NCOR2: variants seen among roughly 807,000 people sequenced by gnomAD.
NCOR2 encodes the protein CTG repeat protein 26.
Under a neutral mutation model 262.9 loss-of-function variants are expected in NCOR2, and 81 were observed. That is an observed-to-expected ratio of 0.31 (90% CI 0.26 to 0.37). The LOEUF is 0.37. Ranked by LOEUF, NCOR2 falls within the 10% of genes least tolerant of loss-of-function variation. The probability of loss-of-function intolerance (pLI) is 1.00; values close to 1 mark genes in which losing one functional copy is unlikely to be tolerated. For synonymous variants in NCOR2, 1,659 were observed against 1,559.3 expected (o/e 1.06, Z -1.51); for missense variants, 3,385 against 3,621.4 (o/e 0.93, Z 1.68).
chr12:124,556,811 G>GT, intron 1 of NCOR2, among the ~76,000 whole-genome samples: 1 of 151,104 alleles, frequency 6.6e-6, no homozygotes, highest in East Asian at 1.9e-4. Context: ...TCATGCCACT[G>GT]TACTTCCAGC....
chr12:124,421,432 G>A (rs1261076887), intron 12 of NCOR2, among the ~76,000 whole-genome samples: 7 of 152,244 alleles, frequency 4.6e-5, no homozygotes, highest in African/African-American at 1.4e-4. Context: ...TGAGGGAGAC[G>A]TCGTCACTCA....
chr12:124,417,107 C>CGGACAGTCACTCCATGGAGAGCAGGCT, intron 13 of NCOR2, among the ~76,000 whole-genome samples: 2 of 151,248 alleles, frequency 1.3e-5, no homozygotes, highest in African/African-American at 2.4e-5. Context: ...GAGAGCAGGC[C>CGGACAGTCACTCCATGGAGAGCAGGCT]GGACAGTCAC....
At chr12:124,411,471 G>A (rs1243690062) in intron 13 of NCOR2, among the ~76,000 whole-genome samples, 3 of 152,154 alleles carry the variant, frequency 2.0e-5, no homozygotes, top group Non-Finnish European at 2.9e-5. Flanking sequence ...GGCTGTTCCC[G>A]TCTCAGTGTC....
intron 1 of NCOR2, among the ~76,000 whole-genome samples, chr12:124,518,549 G>A (rs1014130781): frequency 2.6e-5 from 4 of 152,262 alleles, no homozygotes; most frequent in South Asian, 2.1e-4. Context: ...CCAGCGATCC[G>A]TTCTCGCCTC....
At chr12:124,428,044 AGTGT>A (rs55965573) in intron 10 of NCOR2, among the ~76,000 whole-genome samples, 3,783 of 112,452 alleles carry the variant, frequency 0.034, 140 homozygotes, top group African/African-American at 0.084. Flanking sequence ...CCATGTGGCC[AGTGT>A]GTGTGTGTGT....
At chr12:124,363,466 C>A (rs999171085) in intron 21 of NCOR2, among the ~76,000 whole-genome samples, 1 of 152,194 alleles carries the variant, frequency 6.6e-6, no homozygotes, top group Non-Finnish European at 1.5e-5. Context: ...GGCCTTAGGC[C>A]GCCAGTTCCC....
chr12:124,423,300 C>T (rs900381364), intron 11 of NCOR2, among the ~76,000 whole-genome samples: 5 of 152,194 alleles, frequency 3.3e-5, no homozygotes, highest in Non-Finnish European at 5.9e-5. Context: ...CCAGGCGTCC[C>T]GGCGACGTGC....
Position 124,483,593 on chromosome 12 carries a change from T to C in NCOR2, c.411+3A>G. 6.3e-7 allele frequency: 1 copy of C among 1,584,896 alleles called. No homozygotes were observed. The highest frequency in any genetic ancestry group is 8.6e-7 in the Non-Finnish European group (1 of 1,166,834). On this transcript the variant is annotated splice_donor_region_variant and intron_variant, in intron 3 of 46. Coordinates refer to ENST00000405201, the Ensembl canonical transcript of NCOR2. The surrounding 1 kb of genome is among the most constrained non-coding windows in gnomAD (Gnocchi z 6.3). ...GAGCTCCCAGCTGGGGGCCCAGGCT[T>C]ACCTTGGTGAGGTCTTCAGATCCCG...
intron 1 of NCOR2, among the ~76,000 whole-genome samples, chr12:124,554,602 G>A (rs79636296): frequency 0.13 from 19,604 of 152,230 alleles, 1,349 homozygotes; most frequent in South Asian, 0.16. Flanking sequence ...CTGGACCCAC[G>A]GACGGGGGCT....
chr12:124,564,917 C>T (rs1004522238), intron 1 of NCOR2, among the ~76,000 whole-genome samples: 1 of 151,588 alleles, frequency 6.6e-6, no homozygotes, highest in Non-Finnish European at 1.5e-5. Context: ...CCCTGCCCCC[C>T]ACCCCCAGGC....
At chr12:124,330,715 G>T in intron 44 of NCOR2, 130 bp downstream of exon 46, 1 of 1,025,724 alleles carries the variant, frequency 9.7e-7, no homozygotes, top group Non-Finnish European at 1.4e-6. Context: ...TGTGCGGTTA[G>T]TTCATCCCAG....
intron 25 of NCOR2, 59 bp downstream of exon 27, chr12:124,354,778 C>T (rs1046602714): frequency 7.1e-5 from 109 of 1,531,878 alleles, no homozygotes; most frequent in African/African-American, 4.1e-5. Flanking sequence ...CCCCGCCCCA[C>T]CCACAGGACA....
chr12:124,417,353 C>T (rs1220856167), intron 13 of NCOR2, among the ~76,000 whole-genome samples: 1 of 152,160 alleles, frequency 6.6e-6, no homozygotes, highest in African/African-American at 2.4e-5. Flanking sequence ...GCCTCTACAA[C>T]AGGATATGCC....
intron 17 of NCOR2, among the ~76,000 whole-genome samples, chr12:124,380,211 C>A (rs2040308163): frequency 6.6e-6 from 1 of 152,224 alleles, no homozygotes; most frequent in African/African-American, 2.4e-5. Flanking sequence ...CGTGGCCAGG[C>A]TGGAGCTGGG....
chr12:124,501,360 G>T (rs73423681), intron 1 of NCOR2, among the ~76,000 whole-genome samples: 1 of 151,148 alleles, frequency 6.6e-6, no homozygotes, highest in South Asian at 2.1e-4. Context: ...TGGCACACAC[G>T]AGGCGTATTA....
chr12:124,492,091 G>T (rs1202634069), intron 1 of NCOR2, among the ~76,000 whole-genome samples: 1 of 152,214 alleles, frequency 6.6e-6, no homozygotes, highest in South Asian at 2.1e-4. Context: ...CGCAGATGAC[G>T]CCAGGGCAGA....
chr12:124,408,118 G>A (rs961011207), intron 13 of NCOR2, among the ~76,000 whole-genome samples: 5 of 152,184 alleles, frequency 3.3e-5, no homozygotes, highest in African/African-American at 1.2e-4. Flanking sequence ...ACTTTGGGAG[G>A]CCGAGGCCGG....
chr12:124,404,818 G>C (rs988429478), intron 13 of NCOR2, among the ~76,000 whole-genome samples: 1 of 152,224 alleles, frequency 6.6e-6, no homozygotes, highest in Non-Finnish European at 1.5e-5. Context: ...AGTCCTGATG[G>C]AGATGAAAAC....
intron 1 of NCOR2, among the ~76,000 whole-genome samples, chr12:124,492,240 C>G (rs758862544): frequency 6.6e-6 from 1 of 152,218 alleles, no homozygotes; most frequent in South Asian, 2.1e-4. Context: ...GATGACTACC[C>G]CGCGCTTGCT....
Sources: gnomAD v4.1 joint callset for allele counts (sites outside exome capture counted in the v4.1 genomes callset) on GRCh38, gnomAD v4.1.1 for gene constraint, Gnocchi (gnomAD v3.1) non-coding constraint, MANE v1.5 for transcripts, NCBI Gene and HGNC (gene_info 2026-07-23, HGNC 2026-07-21) for gene names.